OPCML: variants seen among roughly 807,000 people sequenced by gnomAD.
OPCML encodes opioid binding protein/cell adhesion molecule like.
OPCML carries 13 observed loss-of-function variants against 37.8 expected under a neutral mutation model. The ratio of observed to expected loss-of-function variants is 0.34; its 90% CI spans 0.22 to 0.55. The LOEUF is 0.55. Ranked by LOEUF, OPCML falls within the 20% of genes least tolerant of loss-of-function variation. OPCML has a pLI of 0.91. For synonymous variants in OPCML, 176 were observed against 168.8 expected, an observed-to-expected ratio of 1.04 and a Z score of -0.33; for missense variants, 341 against 435.6, an observed-to-expected ratio of 0.78 and a Z score of 1.93.
intron 4 of OPCML, among the ~76,000 whole-genome samples, chr11:132,485,994 A>C (rs2096198573): frequency 6.6e-6 from 1 of 151,978 alleles, no homozygotes; most frequent in African/African-American, 2.4e-5. Context: ...CCTGTTTTAA[A>C]CTCTCTGCAG....
chr11:133,179,153 C>T lies in OPCML; in HGVS notation c.62-236143G>A, dbSNP rs1352339814. ...CTAATTTTTGTCTATGTGGCACTGG[C>T]TTGGTAAAGTACTTTGGAAATACAT... On this transcript the variant is annotated intron_variant, in intron 1 of 7. Coordinates refer to ENST00000524381, the MANE Select transcript of OPCML (RefSeq NM_001012393.5). Among the ~76,000 whole-genome samples, 56 of 152,010 alleles carry T rather than the reference C, an allele frequency of 3.7e-4. 1 individual carries two copies. Among genetic ancestry groups the T allele is most frequent in the Admixed American group, 3.7e-3 (56 of 15,254 alleles).
chr11:133,436,604 C>G (rs1352048511), intron 1 of OPCML, among the ~76,000 whole-genome samples: 1 of 152,130 alleles, frequency 6.6e-6, no homozygotes, highest in Non-Finnish European at 1.5e-5. Context: ...AGTGCCAGGA[C>G]GTACTATGTC....
chr11:133,368,872 A>G (rs916808386), intron 1 of OPCML, among the ~76,000 whole-genome samples: 2 of 152,228 alleles, frequency 1.3e-5, no homozygotes, highest in African/African-American at 4.8e-5. Context: ...TCTATATCCA[A>G]ACACTCAGGA....
chr11:132,745,956 G>A (rs1945620268), intron 2 of OPCML, among the ~76,000 whole-genome samples: 1 of 152,202 alleles, frequency 6.6e-6, no homozygotes, highest in Non-Finnish European at 1.5e-5. Flanking sequence ...GCCACTCCAA[G>A]GGAGCCACTC....
intron 1 of OPCML, among the ~76,000 whole-genome samples, chr11:133,168,682 C>G (rs1950247365): frequency 1.3e-5 from 2 of 152,190 alleles, no homozygotes; most frequent in African/African-American, 4.8e-5. Flanking sequence ...ACCAATGGAT[C>G]TTCCAAATGT....
chr11:133,196,922 T>C (rs1435861507), intron 1 of OPCML, among the ~76,000 whole-genome samples: 1 of 152,182 alleles, frequency 6.6e-6, no homozygotes, highest in Non-Finnish European at 1.5e-5. Flanking sequence ...GTGTACAATT[T>C]GACATTACTC....
intron 2 of OPCML, among the ~76,000 whole-genome samples, chr11:132,663,353 G>A (rs1271936986): frequency 1.3e-5 from 2 of 152,196 alleles, no homozygotes; most frequent in Admixed American, 6.5e-5. Flanking sequence ...GGACATATAT[G>A]TGTCTTTCTG....
intron 3 of OPCML, among the ~76,000 whole-genome samples, chr11:132,554,245 TAA>T (rs1439878499): frequency 6.6e-6 from 1 of 152,226 alleles, no homozygotes; most frequent in Non-Finnish European, 1.5e-5. Flanking sequence ...ACTGTGTTTA[TAA>T]AGTTTATCTG....
chr11:133,279,857 G>A (rs932084060), intron 1 of OPCML, among the ~76,000 whole-genome samples: 1 of 152,118 alleles, frequency 6.6e-6, no homozygotes, highest in Admixed American at 6.5e-5. Flanking sequence ...TTTCTCTCAA[G>A]ATTTAGTAGA....
intron 1 of OPCML, among the ~76,000 whole-genome samples, chr11:133,093,092 A>G (rs1948936936): frequency 6.6e-6 from 1 of 152,124 alleles, no homozygotes; most frequent in African/African-American, 2.4e-5. Flanking sequence ...GTATTTCAAT[A>G]GGTTTTTGAT....
chr11:133,149,493 C>A (rs1051471012), intron 1 of OPCML, among the ~76,000 whole-genome samples: 1 of 152,212 alleles, frequency 6.6e-6, no homozygotes, highest in African/African-American at 2.4e-5. Flanking sequence ...AGAAGACATA[C>A]AATTTACATC....
rs139900696 is a variant in OPCML, at chr11:133,003,431, C to T, written c.62-60421G>A. Among the ~76,000 whole-genome samples, 295 of 152,270 alleles carry T rather than the reference C, an allele frequency of 1.9e-3. 1 individual carries two copies. Among genetic ancestry groups the T allele is most frequent in the Non-Finnish European group, 3.2e-3 (218 of 68,024 alleles). ...TCTCTCTCTGCTGTCTTCATCTGTG[C>T]TGTAAAATACCTCTTGGCCTCCCTT... On this transcript the variant is annotated intron_variant, in intron 1 of 7. Coordinates refer to ENST00000524381, the MANE Select transcript of OPCML (RefSeq NM_001012393.5).
chr11:132,791,120 G>A (rs1477635704), intron 2 of OPCML, among the ~76,000 whole-genome samples: 3 of 152,180 alleles, frequency 2.0e-5, no homozygotes, highest in South Asian at 4.1e-4. Flanking sequence ...AGCCTGTGTG[G>A]TCTACAGAGC....
intron 2 of OPCML, among the ~76,000 whole-genome samples, chr11:132,782,917 G>A (rs1032222103): frequency 2.4e-4 from 30 of 125,078 alleles, no homozygotes; most frequent in Middle Eastern, 4.2e-3. Flanking sequence ...TATAGTGTGT[G>A]TATATATATA....
intron 1 of OPCML, chr11:133,422,231 C>T (rs1047311590): frequency 1.0e-6 from 1 of 984,550 alleles, no homozygotes; most frequent in African/African-American, 1.8e-5. Flanking sequence ...TACCTGAGAG[C>T]CCCTGTACCA....
chr11:132,813,048 C>A (rs1591643859), intron 2 of OPCML, among the ~76,000 whole-genome samples: 1 of 152,152 alleles, frequency 6.6e-6, no homozygotes, highest in Admixed American at 6.5e-5. Context: ...AAATAAAACT[C>A]AATAAAAATC....
intron 1 of OPCML, among the ~76,000 whole-genome samples, chr11:133,415,102 G>A (rs980679265): frequency 1.3e-5 from 2 of 152,060 alleles, no homozygotes; most frequent in African/African-American, 4.8e-5. Context: ...GAAATAACCT[G>A]AAAACCTTAT....
chr11:133,319,389 C>T (rs944377425), intron 1 of OPCML, among the ~76,000 whole-genome samples: 1 of 152,152 alleles, frequency 6.6e-6, no homozygotes, highest in Non-Finnish European at 1.5e-5. Flanking sequence ...TTAAGTCTCC[C>T]TTATGAGACA....
chr11:133,222,353 A>C (rs1939873151), intron 1 of OPCML, among the ~76,000 whole-genome samples: 1 of 152,188 alleles, frequency 6.6e-6, no homozygotes. Flanking sequence ...TCTCCAAGGC[A>C]GTGGTGGCAG....
Sources: gnomAD v4.1 joint callset for allele counts (sites outside exome capture counted in the v4.1 genomes callset) on GRCh38, gnomAD v4.1.1 for gene constraint, MANE v1.5 for transcripts, NCBI Gene and HGNC (gene_info 2026-07-23, HGNC 2026-07-21) for gene names.